The following ARMH4 variants were observed in gnomAD, a reference collection of about 807,000 sequenced individuals.
ARMH4 encodes the protein armadillo like helical domain containing 4, also known as armadillo-like helical domain-containing protein 4.
ARMH4 carries 49 observed loss-of-function variants against 61.9 expected under a neutral mutation model. That is an observed-to-expected ratio of 0.79 (90% CI 0.63 to 1.00). ARMH4 has a LOEUF of 1.00. Ranked by LOEUF, ARMH4 falls within the 50% of genes least tolerant of loss-of-function variation. The probability of loss-of-function intolerance (pLI) is 0.00; values close to 1 mark genes in which losing one functional copy is unlikely to be tolerated. For missense variants in ARMH4, 934 were observed against 930.0 expected (o/e 1.00, Z -0.06); for synonymous variants, 368 against 341.5 (o/e 1.08, Z -0.85).
rs571800289 is a variant in ARMH4, at chr14:58,062,485, G to A, written c.2089+34239C>T. 4.6e-5 allele frequency among the ~76,000 whole-genome samples: 7 copies of A among 152,300 alleles called. No homozygotes were observed. The South Asian group carries it at 1.0e-3, about 23-fold the overall frequency. ...GCAGAGGCATGGAGGATAACTAGAC[G>A]GCAATGGAATGGAGAAGAAAGCAGC... On this transcript the variant is annotated intron_variant, in intron 5 of 7. Transcript: ENST00000267485.
chr14:58,141,079 T>C (rs371164264), intron 1 of ARMH4, among the ~76,000 whole-genome samples: 9 of 152,164 alleles, frequency 5.9e-5, no homozygotes, highest in African/African-American at 2.2e-4. Context: ...TTCTGTTGTT[T>C]ATAAAAATCC....
intron 6 of ARMH4, among the ~76,000 whole-genome samples, chr14:58,010,150 T>A (rs1882349292): frequency 6.6e-6 from 1 of 152,170 alleles, no homozygotes; most frequent in Admixed American, 6.6e-5. Context: ...CAAAGAGTTT[T>A]GTACTCAAAT....
intron 4 of ARMH4, chr14:58,101,480 T>G (rs922761576): frequency 2.0e-5 from 3 of 152,170 alleles, no homozygotes; most frequent in South Asian, 2.1e-4. Context: ...GAAAAGGAAA[T>G]GAATCTGCTG....
intron 2 of ARMH4, among the ~76,000 whole-genome samples, chr14:58,136,818 C>T (rs1887317035): frequency 6.6e-6 from 1 of 152,136 alleles, no homozygotes; most frequent in Non-Finnish European, 1.5e-5. Context: ...ATAATATTCA[C>T]GGATGCAAAG....
intron 5 of ARMH4, among the ~76,000 whole-genome samples, chr14:58,027,762 T>C (rs1012073919): frequency 3.9e-4 from 60 of 152,318 alleles, no homozygotes; most frequent in African/African-American, 1.4e-3. Flanking sequence ...AGGTGATGGA[T>C]ATGTTTATGG....
chr14:58,019,124 TG>T (rs1242210211), intron 5 of ARMH4, among the ~76,000 whole-genome samples: 7 of 152,040 alleles, frequency 4.6e-5, no homozygotes, highest in Non-Finnish European at 1.0e-4. Flanking sequence ...GGGGTCACGT[TG>T]GAGAGATATT....
chr14:58,128,494 G>A (rs575865049), intron 4 of ARMH4, among the ~76,000 whole-genome samples: 3 of 152,270 alleles, frequency 2.0e-5, no homozygotes, highest in East Asian at 1.9e-4. Context: ...ATCATTGTGA[G>A]AATATTTATC....
chr14:58,029,188 T>C (rs1883125329), intron 5 of ARMH4, among the ~76,000 whole-genome samples: 1 of 151,792 alleles, frequency 6.6e-6, no homozygotes, highest in Non-Finnish European at 1.5e-5. Context: ...ATAAGTTGAA[T>C]CATACAACAT....
Position 58,096,902 on chromosome 14 carries a change from ATCTTCCTCATCT to A in ARMH4, c.1899_1910del (p.Glu633_Glu636del), listed in dbSNP as rs777028058. 8.1e-6 allele frequency: 13 copies of A among 1,614,064 alleles called. No homozygotes were observed. Among genetic ancestry groups the A allele is most frequent in the Middle Eastern group, 1.6e-4 (1 of 6,062 alleles). On this transcript the variant is annotated inframe_deletion, in exon 5 of 8. Coordinates refer to ENST00000267485, the MANE Select transcript of ARMH4 (RefSeq NM_001001872.4). ...CCTCATCCAGCGAGTCTGCATCTTT[ATCTTCCTCATCT>A]TCTTCCTCATCTTCCTCTTCTTCAT...
chr14:58,015,616 G>A (rs576225096), intron 5 of ARMH4, among the ~76,000 whole-genome samples: 2 of 152,206 alleles, frequency 1.3e-5, no homozygotes, highest in African/African-American at 4.8e-5. Flanking sequence ...TGAGGATCCT[G>A]TAAACAGTTT....
intron 5 of ARMH4, among the ~76,000 whole-genome samples, chr14:58,040,809 T>C (rs1449483704): frequency 6.6e-6 from 1 of 152,202 alleles, no homozygotes; most frequent in African/African-American, 2.4e-5. Context: ...TTCCAGTATA[T>C]TGTGAACTAA....
intron 4 of ARMH4, among the ~76,000 whole-genome samples, chr14:58,109,857 C>T (rs1430146562): frequency 1.3e-5 from 2 of 152,160 alleles, no homozygotes; most frequent in East Asian, 3.8e-4. Context: ...CACAGTACTG[C>T]ATGGCTGGAG....
chr14:58,109,346 T>C (rs1886271106), intron 4 of ARMH4, among the ~76,000 whole-genome samples: 2 of 152,204 alleles, frequency 1.3e-5, no homozygotes, highest in South Asian at 2.1e-4. Context: ...TTTTTCTATA[T>C]GGACAACCAA....
chr14:58,018,743 T>A (rs1245144595), intron 5 of ARMH4, among the ~76,000 whole-genome samples: 1 of 152,108 alleles, frequency 6.6e-6, no homozygotes, highest in Non-Finnish European at 1.5e-5. Context: ...AATAGAACTA[T>A]CATGTGACCC....
chr14:58,012,124 C>A lies in ARMH4; in HGVS notation c.2116G>T (p.Asp706Tyr). The change falls in exon 6 of 8, where the codon GAC becomes TAC. Residue 706 changes from aspartate to tyrosine, a missense_variant. Physicochemically the swap from Asp to Tyr is radical, Grantham distance 160. Coordinates refer to ENST00000267485, the MANE Select transcript of ARMH4 (RefSeq NM_001001872.4). ...LVRSWMEKLK[D>Y]KAGYMSGMLV... ...GAAGAAAATACTTTTCTTACCTTGT[C>A]TTTTAATTTTTCCATCCAGCTTCTC... The A allele has an allele frequency of 6.8e-7, 1 of 1,480,814 alleles. No homozygotes were observed. The highest frequency in any genetic ancestry group is 1.4e-5 in the African/African-American group (1 of 69,710). The allele number at this position is 1,480,814 out of a possible 1,614,324, so 91.7% of individuals were successfully genotyped here. A position where few individuals can be genotyped will look rare whatever the true frequency, so the allele number is the denominator to read the frequency against.
At chr14:58,144,557 G>GACA (rs933721301) in intron 1 of ARMH4, among the ~76,000 whole-genome samples, 131 of 151,906 alleles carry the variant, frequency 8.6e-4, no homozygotes, top group African/African-American at 2.8e-3. Context: ...AAAACAAACA[G>GACA]ACAACAACAA....
At chr14:58,046,043 C>A (rs562722261) in intron 5 of ARMH4, among the ~76,000 whole-genome samples, 1 of 152,142 alleles carries the variant, frequency 6.6e-6, no homozygotes, top group African/African-American at 2.4e-5. Context: ...TTCCAGCCAC[C>A]AGAACTGGGA....
chr14:58,107,860 T>C (rs1886217327), intron 4 of ARMH4, among the ~76,000 whole-genome samples: 1 of 151,646 alleles, frequency 6.6e-6, no homozygotes, highest in African/African-American at 2.4e-5. Context: ...ACTGAGCGCA[T>C]ATTAGCCTTT....
intron 5 of ARMH4, among the ~76,000 whole-genome samples, chr14:58,037,766 G>C (rs1883526768): frequency 3.1e-5 from 1 of 32,014 alleles, no homozygotes; most frequent in Non-Finnish European, 5.9e-5. Context: ...CTTCTCAAAA[G>C]AAGACATTTA....
Sources: allele counts gnomAD v4.1 joint callset (sites outside exome capture counted in the v4.1 genomes callset), GRCh38; gene constraint gnomAD v4.1.1; transcripts MANE v1.5; gene names NCBI Gene and HGNC (gene_info 2026-07-23, HGNC 2026-07-21).